The following VDR variants were observed in gnomAD, a reference collection of about 807,000 sequenced individuals.
VDR encodes vitamin D receptor, also known as vitamin D3 receptor.
In VDR, 19 loss-of-function variants were observed where a neutral mutation model predicts 39.7. The ratio of observed to expected loss-of-function variants is 0.48; its 90% CI spans 0.33 to 0.70. The LOEUF (loss-of-function observed/expected upper bound fraction) is 0.70, where lower values mean the gene tolerates loss of function less well. Ranked by LOEUF, VDR falls within the 30% of genes least tolerant of loss-of-function variation. The probability of loss-of-function intolerance (pLI) is 0.02; values close to 1 mark genes in which losing one functional copy is unlikely to be tolerated. For missense variants in VDR, 442 were observed against 570.5 expected (o/e 0.77, Z 2.29); for synonymous variants, 242 against 215.8 (o/e 1.12, Z -1.07).
intron 1 of VDR, chr12:47,896,849 G>C (rs1361767812): frequency 6.6e-6 from 1 of 152,242 alleles, no homozygotes; most frequent in Non-Finnish European, 1.5e-5. Context: ...CCTGGCAGAA[G>C]TCCGGAAATT....
At chr12:47,883,245 A>G (rs1374847158) in intron 1 of VDR, among the ~76,000 whole-genome samples, 1 of 152,180 alleles carries the variant, frequency 6.6e-6, no homozygotes, top group Non-Finnish European at 1.5e-5. Flanking sequence ...CAGGCAGGGC[A>G]GAGGAGGTGC....
intron 3 of VDR, among the ~76,000 whole-genome samples, chr12:47,866,984 A>G (rs1226906236): frequency 6.7e-6 from 1 of 149,192 alleles, no homozygotes; most frequent in Non-Finnish European, 1.5e-5. Flanking sequence ...CAACAGAGCA[A>G]GACCCTGTCT....
At position 47,855,339 on chromosome 12, in the gene VDR, A is replaced by AAAATAAATAAAT. The variant is rs11574093; in HGVS notation, c.755+279_755+290dup. On this transcript the variant is annotated intron_variant, in intron 7 of 9. Coordinates refer to ENST00000549336, the MANE Select transcript of VDR (RefSeq NM_000376.3). ...CGAGAATCTGTCTGGAAAAAAAATAAAAATAAATAAATAAATAAATAAATA... is the reference window on the plus strand; with the variant it reads ...CGAGAATCTGTCTGGAAAAAAAATAAAAATAAATAAATAAATAAATAAATAAATAAATAAATA... 0.036 allele frequency among the ~76,000 whole-genome samples: 5,242 copies of AAAATAAATAAAT among 146,484 alleles called. 127 individuals carry two copies. Among genetic ancestry groups the AAAATAAATAAAT allele is most frequent in the Middle Eastern group, 0.044 (13 of 294 alleles).
At chr12:47,872,306 A>G (rs1565623530) in intron 3 of VDR, among the ~76,000 whole-genome samples, 1 of 152,264 alleles carries the variant, frequency 6.6e-6, no homozygotes, top group Admixed American at 6.5e-5. Flanking sequence ...AAAAGGGAAC[A>G]GGACCTGGAC....
intron 4 of VDR, among the ~76,000 whole-genome samples, chr12:47,859,682 C>G (rs1267748326): frequency 3.3e-5 from 5 of 152,154 alleles, no homozygotes; most frequent in Non-Finnish European, 7.3e-5. Flanking sequence ...CATTGACACC[C>G]AATTATCTTC....
At chr12:47,855,452 G>A (rs111674017) in intron 7 of VDR, among the ~76,000 whole-genome samples, 178 bp downstream of exon 7, 3 of 152,242 alleles carry the variant, frequency 2.0e-5, no homozygotes, top group East Asian at 3.9e-4. Context: ...CCTAGGAGGC[G>A]GAGGTTGCAG....
intron 3 of VDR, among the ~76,000 whole-genome samples, chr12:47,871,559 G>A (rs554255309): frequency 6.0e-4 from 90 of 150,994 alleles, no homozygotes; most frequent in African/African-American, 1.9e-3. Context: ...TGGCTCCCAG[G>A]TTCAATCGAT....
At chr12:47,893,994 C>T (rs1304443599) in intron 1 of VDR, among the ~76,000 whole-genome samples, 1 of 152,202 alleles carries the variant, frequency 6.6e-6, no homozygotes, top group African/African-American at 2.4e-5. Flanking sequence ...TTCCCCAGGG[C>T]CACAAAGTGG....
intron 1 of VDR, chr12:47,904,423 G>A: frequency 1.9e-6 from 1 of 528,532 alleles, no homozygotes; most frequent in Non-Finnish European, 2.9e-6. Context: ...AAAAAATAGG[G>A]CCAATTAGGT....
At chr12:47,893,871 C>T (rs1296858994) in intron 1 of VDR, among the ~76,000 whole-genome samples, 1 of 152,256 alleles carries the variant, frequency 6.6e-6, no homozygotes, top group Non-Finnish European at 1.5e-5. Flanking sequence ...GCTGTCCAAA[C>T]TCACTGCTGG....
At chr12:47,900,637 G>A (rs548452079) in intron 1 of VDR, among the ~76,000 whole-genome samples, 2 of 152,300 alleles carry the variant, frequency 1.3e-5, no homozygotes, top group Admixed American at 1.3e-4. Context: ...TCAGTAAGTA[G>A]CTGAAGCTAC....
chr12:47,899,254 C>A (rs10875695), intron 1 of VDR, among the ~76,000 whole-genome samples: 49,003 of 151,952 alleles, frequency 0.32, 8,902 homozygotes, highest in African/African-American at 0.49. Context: ...AAAAGAAGTG[C>A]AAGAGTCTCT....
At chr12:47,861,300 TA>T (rs1384087153) in intron 4 of VDR, among the ~76,000 whole-genome samples, 2 of 152,256 alleles carry the variant, frequency 1.3e-5, no homozygotes, top group African/African-American at 4.8e-5. Flanking sequence ...AGTTCAAGTT[TA>T]ACCCTATAAC....
chr12:47,890,343 G>GTATATAATATA (rs1209856796), intron 1 of VDR, among the ~76,000 whole-genome samples: 15 of 144,958 alleles, frequency 1.0e-4, no homozygotes, highest in South Asian at 4.3e-4. Flanking sequence ...TATGTAATAT[G>GTATATAATATA]TATTTTATAT....
chr12:47,865,323 C>T, intron 3 of VDR, 146 bp from the exon 4 acceptor site: 2 of 1,222,806 alleles, frequency 1.6e-6, no homozygotes, highest in Non-Finnish European at 1.2e-6. Context: ...GTCACTCTCA[C>T]CTCTAGGCTG....
At chr12:47,864,527 G>A (rs1028204627) in intron 4 of VDR, among the ~76,000 whole-genome samples, 13 of 152,202 alleles carry the variant, frequency 8.5e-5, no homozygotes, top group African/African-American at 3.1e-4. Flanking sequence ...GAGAGGCTGG[G>A]AGGCTGGGGT....
At chr12:47,878,893 A>G (rs898752803) in intron 3 of VDR, 75 bp downstream of exon 3, 2 of 1,610,272 alleles carry the variant, frequency 1.2e-6, no homozygotes. Flanking sequence ...GAAAAATGCA[A>G]GGGCTCCCTT....
At chr12:47,865,732 T>TTTTA (rs1945719528) in intron 3 of VDR, among the ~76,000 whole-genome samples, 1 of 105,110 alleles carries the variant, frequency 9.5e-6, no homozygotes, top group African/African-American at 3.4e-5. Flanking sequence ...TTTTTTTTTT[T>TTTTA]GAGACGGAGT....
At chr12:47,873,573 G>A (rs1219808579) in intron 3 of VDR, among the ~76,000 whole-genome samples, 2 of 151,188 alleles carry the variant, frequency 1.3e-5, no homozygotes, top group Non-Finnish European at 2.9e-5. Flanking sequence ...GTGTTAGCCA[G>A]GATGGTCTCG....
Sources: allele counts gnomAD v4.1 joint callset (sites outside exome capture counted in the v4.1 genomes callset), GRCh38; gene constraint gnomAD v4.1.1; transcripts MANE v1.5; gene names NCBI Gene and HGNC (gene_info 2026-07-23, HGNC 2026-07-21).